The following GRM5 variants were observed in gnomAD, a reference collection of about 807,000 sequenced individuals.
The protein encoded by GRM5 is glutamate metabotropic receptor 5.
Under a neutral mutation model 83.1 loss-of-function variants are expected in GRM5, and 19 were observed. The observed-to-expected ratio is 0.23, with a 90% CI of 0.16 to 0.34. The LOEUF (loss-of-function observed/expected upper bound fraction) is 0.34, where lower values mean the gene tolerates loss of function less well. Ranked by LOEUF, GRM5 falls within the 10% of genes least tolerant of loss-of-function variation. The pLI is 1.00. For missense variants in GRM5, 1,160 were observed against 1,588.3 expected, an observed-to-expected ratio of 0.73 and a Z score of 4.58; for synonymous variants, 675 against 633.6, an observed-to-expected ratio of 1.07 and a Z score of -0.98.
intron 2 of GRM5, among the ~76,000 whole-genome samples, chr11:88,917,314 A>C (rs1945612052): frequency 6.6e-6 from 1 of 151,916 alleles, no homozygotes; most frequent in Non-Finnish European, 1.5e-5. Context: ...ACAGTGACCA[A>C]AGATTTAGAA....
intron 2 of GRM5, among the ~76,000 whole-genome samples, chr11:88,905,829 T>C (rs1412177638): frequency 6.6e-6 from 1 of 152,054 alleles, no homozygotes; most frequent in Non-Finnish European, 1.5e-5. Context: ...AGTCTCTGAC[T>C]CTAGAGAACA....
At chr11:88,668,530 T>C (rs182605413) in intron 3 of GRM5, among the ~76,000 whole-genome samples, 7 of 152,220 alleles carry the variant, frequency 4.6e-5, no homozygotes, top group Admixed American at 3.9e-4. Context: ...CAAACTCTTA[T>C]AAATATCAAT....
intron 2 of GRM5, among the ~76,000 whole-genome samples, chr11:88,958,623 T>C (rs1938695437): frequency 6.6e-6 from 1 of 152,134 alleles, no homozygotes. Context: ...GCAGTGAAGG[T>C]ATTTTAAGAT....
At chr11:88,830,444 C>T (rs1943968976) in intron 3 of GRM5, among the ~76,000 whole-genome samples, 1 of 152,146 alleles carries the variant, frequency 6.6e-6, no homozygotes, top group South Asian at 2.1e-4. Context: ...AATGGATAAT[C>T]ACACTTTGAA....
intron 2 of GRM5, among the ~76,000 whole-genome samples, chr11:88,885,445 A>C (rs1945026715): frequency 3.4e-5 from 4 of 116,668 alleles, no homozygotes; most frequent in Admixed American, 8.9e-5. Context: ...TATAGTAGGT[A>C]CCATGTTTTT....
chr11:88,872,792 A>G (rs1173018265), intron 2 of GRM5, among the ~76,000 whole-genome samples: 1 of 151,534 alleles, frequency 6.6e-6, no homozygotes, highest in Non-Finnish European at 1.5e-5. Context: ...CAAATGTAAA[A>G]GAAGAAATGA....
At position 88,910,439 on chromosome 11, in the gene GRM5, T is replaced by C. The variant is rs375335702; in HGVS notation, c.662-60284A>G. 4.6e-5 allele frequency among the ~76,000 whole-genome samples: 7 copies of C among 152,214 alleles called. No individual in the cohort carries two copies. In the East Asian group the frequency reaches 9.6e-4, roughly 21 times the overall value. On this transcript the variant is annotated intron_variant, in intron 2 of 9. Coordinates refer to ENST00000305447, the MANE Select transcript of GRM5 (RefSeq NM_001143831.3). ...CTTTGAGAACCTAGGAGTTCTCAAA[T>C]ACCTAGGAGTGGAATTTTTGTTTCA...
intron 3 of GRM5, among the ~76,000 whole-genome samples, chr11:88,669,433 A>G (rs2135329986): frequency 6.6e-6 from 1 of 152,238 alleles, no homozygotes; most frequent in African/African-American, 2.4e-5. Flanking sequence ...GTCTTCACTC[A>G]CTACTTTTTC....
chr11:89,017,468 C>T (rs1386734748), intron 2 of GRM5, among the ~76,000 whole-genome samples: 1 of 152,200 alleles, frequency 6.6e-6, no homozygotes, highest in Non-Finnish European at 1.5e-5. Context: ...TACTTCTCTC[C>T]ACAGATGTAA....
At chr11:89,029,043 G>A (rs934846687) in intron 2 of GRM5, among the ~76,000 whole-genome samples, 2 of 151,496 alleles carry the variant, frequency 1.3e-5, no homozygotes, top group African/African-American at 4.9e-5. Flanking sequence ...TTGGTTTTCT[G>A]TTCTTGTGTT....
Position 88,620,510 on chromosome 11 carries a change from G to A in GRM5, c.1148-15546C>T, listed in dbSNP as rs368107340. Among the ~76,000 whole-genome samples, 9 of 152,158 alleles carry A rather than the reference G, an allele frequency of 5.9e-5. 1 individual carries two copies. The highest frequency in any genetic ancestry group is 1.9e-4 in the East Asian group (1 of 5,198). The stretch of plus-strand genomic sequence containing the variant: ...TGAAGGTGGAATAGACTTACTGTAT[G>A]GAATCTAACATAAAGTGGGCCCAAC... On this transcript the variant is annotated intron_variant, in intron 4 of 9. Coordinates refer to ENST00000305447, the MANE Select transcript of GRM5 (RefSeq NM_001143831.3).
intron 2 of GRM5, among the ~76,000 whole-genome samples, chr11:88,859,236 T>A (rs1373821585): frequency 6.6e-6 from 1 of 152,040 alleles, no homozygotes; most frequent in Non-Finnish European, 1.5e-5. Flanking sequence ...TTTGAGACAC[T>A]TGGCACTGAA....
intron 3 of GRM5, among the ~76,000 whole-genome samples, chr11:88,729,884 A>T (rs532119467): frequency 1.3e-5 from 2 of 152,346 alleles, no homozygotes; most frequent in East Asian, 3.9e-4. Context: ...TTAACTCAAG[A>T]TGTGTTAAAG....
intron 3 of GRM5, among the ~76,000 whole-genome samples, chr11:88,750,226 C>T (rs7108780): frequency 0.72 from 109,976 of 151,904 alleles, 40,243 homozygotes; most frequent in African/African-American, 0.76. Context: ...AGGATCAAAA[C>T]AAAAGGATGG....
At chr11:88,974,062 T>C (rs1260350810) in intron 2 of GRM5, among the ~76,000 whole-genome samples, 2 of 152,156 alleles carry the variant, frequency 1.3e-5, no homozygotes, top group African/African-American at 4.8e-5. Flanking sequence ...ATTTATTTCC[T>C]AGTTCTAAAG....
At chr11:88,984,905 G>A (rs1245373489) in intron 2 of GRM5, 1 of 633,840 alleles carries the variant, frequency 1.6e-6, no homozygotes, top group East Asian at 2.8e-5. Flanking sequence ...ATTTTATGTT[G>A]TTATCAATGA....
chr11:88,680,892 A>G (rs1257005216), intron 3 of GRM5, among the ~76,000 whole-genome samples: 1 of 152,194 alleles, frequency 6.6e-6, no homozygotes, highest in Non-Finnish European at 1.5e-5. Context: ...TATGAGATCC[A>G]CCCTGTAATT....
chr11:88,701,324 T>C (rs1941029766), intron 3 of GRM5, among the ~76,000 whole-genome samples: 4 of 152,214 alleles, frequency 2.6e-5, no homozygotes, highest in Admixed American at 1.3e-4. Flanking sequence ...AGTACAGTGG[T>C]CATGGACTAA....
intron 3 of GRM5, among the ~76,000 whole-genome samples, chr11:88,848,264 C>T (rs1944331285): frequency 6.6e-6 from 1 of 152,128 alleles, no homozygotes. Context: ...GAATCTCACT[C>T]AATATCATTT....
Sources: allele counts gnomAD v4.1 joint callset (sites outside exome capture counted in the v4.1 genomes callset), GRCh38; gene constraint gnomAD v4.1.1; transcripts MANE v1.5; gene names NCBI Gene and HGNC (gene_info 2026-07-23, HGNC 2026-07-21).